Variants in ATP6V1C2 observed in about 807,000 individuals in gnomAD.
ATP6V1C2 encodes V-type proton ATPase subunit C 2.
A neutral mutation model predicts 56.8 loss-of-function variants in ATP6V1C2; 45 were observed. That is an observed-to-expected ratio of 0.79 (90% CI 0.62 to 1.02). The LOEUF (loss-of-function observed/expected upper bound fraction) is 1.02, where lower values mean the gene tolerates loss of function less well. ATP6V1C2 is among the 50% of genes least tolerant of loss of function. The probability of loss-of-function intolerance (pLI) is 0.00; values close to 1 mark genes in which losing one functional copy is unlikely to be tolerated. For missense variants in ATP6V1C2, 463 were observed against 519.7 expected (o/e 0.89, Z 1.06); for synonymous variants, 220 against 201.3 (o/e 1.09, Z -0.79).
Position 10,783,565 on chromosome 2 carries a change from T to C in ATP6V1C2, c.*302T>C, listed in dbSNP as rs182197560. 1.9e-3 allele frequency: 557 copies of C among 291,000 alleles called. 4 individuals are homozygous for C. The highest frequency in any genetic ancestry group is 5.9e-3 in the Middle Eastern group (5 of 842). 18.0% of individuals were successfully genotyped at this position (291,000 alleles called of 1,614,324 possible). A position where few individuals can be genotyped will look rare whatever the true frequency, so the allele number is the denominator to read the frequency against. ...GTCTTAACGGCTATTTTGAGGTTCA[T>C]TAACAACATAGAAAGCCTTGAACTG... On this transcript the variant is annotated 3_prime_UTR_variant, in exon 14 of 14. Transcript: ENST00000272238.
chr2:10,781,725 G>A (rs1270770858), intron 12 of ATP6V1C2, among the ~76,000 whole-genome samples: 1 of 152,184 alleles, frequency 6.6e-6, no homozygotes, highest in Admixed American at 6.5e-5. Flanking sequence ...TACAGCACTT[G>A]CTATATTTTG....
intron 3 of ATP6V1C2, among the ~76,000 whole-genome samples, chr2:10,741,892 CTCCTTCCTTCCTTCCTTCCTTCCTTCCT>C (rs56236466): frequency 1.4e-5 from 2 of 144,078 alleles, no homozygotes; most frequent in Admixed American, 7.0e-5. Context: ...CCCTCCTTCC[CTCCTTCCTTCCTTCCTTCCTTCCTTCCT>C]TCCTTCCTTC....
chr2:10,735,102 T>C (rs1051482652), intron 3 of ATP6V1C2, among the ~76,000 whole-genome samples: 2 of 152,146 alleles, frequency 1.3e-5, no homozygotes, highest in Non-Finnish European at 2.9e-5. Flanking sequence ...GAAAAAAATA[T>C]ATATTTTGAC....
At chr2:10,746,515 C>T (rs943971180) in intron 3 of ATP6V1C2, among the ~76,000 whole-genome samples, 7 of 151,812 alleles carry the variant, frequency 4.6e-5, no homozygotes, top group Non-Finnish European at 8.8e-5. Flanking sequence ...CAGGTTCAAG[C>T]AATTCTCGTG....
chr2:10,726,534 T>C lies in ATP6V1C2; in HGVS notation c.162T>C (p.Ser54=). 1.2e-6 allele frequency: 2 copies of C among 1,614,062 alleles called. No homozygotes were observed. Among genetic ancestry groups the C allele is most frequent in the Non-Finnish European group, 1.7e-6 (2 of 1,179,922 alleles). The stretch of plus-strand genomic sequence containing the variant: ...CCTTGGATTCCCTGGTTGGCCTCTC[T>C]GATGAGTTGGGGAAACTCGACACCT... ...VGTLDSLVGL[S]DELGKLDTFA... Residue 54 remains serine, a synonymous_variant, in exon 3 of 14, where the codon TCT becomes TCC. Coordinates refer to ENST00000272238, the MANE Select transcript of ATP6V1C2 (RefSeq NM_001039362.2).
intron 3 of ATP6V1C2, among the ~76,000 whole-genome samples, chr2:10,729,022 C>T (rs1023288894): frequency 1.3e-5 from 2 of 149,732 alleles, no homozygotes; most frequent in African/African-American, 2.5e-5. Context: ...CCCAGCTACT[C>T]GGGAGGCTGA....
rs533985435 is a variant in ATP6V1C2, at chr2:10,726,777, C to T, written c.197+208C>T. Reference sequence around the variant, plus strand: ...CTGGTGTTTTGTCTGCTGGAGGCAGCACTTGTTAAGGGGTTGCCTTCAACC... The same window carrying T: ...CTGGTGTTTTGTCTGCTGGAGGCAGTACTTGTTAAGGGGTTGCCTTCAACC... On this transcript the variant is annotated intron_variant, in intron 3 of 13. Transcript: ENST00000272238. Among the ~76,000 whole-genome samples, 400 of 152,242 alleles carry T rather than the reference C, an allele frequency of 2.6e-3. 2 individuals are homozygous for T. Among genetic ancestry groups the T allele is most frequent in the Admixed American group, 4.8e-3 (73 of 15,286 alleles).
chr2:10,741,455 C>T (rs1662544852), intron 3 of ATP6V1C2, among the ~76,000 whole-genome samples: 1 of 152,118 alleles, frequency 6.6e-6, no homozygotes, highest in South Asian at 2.1e-4. Flanking sequence ...CCCCTGGAAG[C>T]TTCTGGGCCT....
chr2:10,773,696 C>T (rs1161947644), intron 8 of ATP6V1C2, among the ~76,000 whole-genome samples: 1 of 152,196 alleles, frequency 6.6e-6, no homozygotes, highest in Non-Finnish European at 1.5e-5. Context: ...TACTCATTTT[C>T]CTCTGTACCT....
At chr2:10,759,623 C>A (rs140828618) in intron 4 of ATP6V1C2, among the ~76,000 whole-genome samples, 2 of 152,184 alleles carry the variant, frequency 1.3e-5, no homozygotes, top group South Asian at 2.1e-4. Flanking sequence ...GCACCCCAGG[C>A]AGGGGAGGCA....
At chr2:10,761,714 G>C (rs1021907865) in intron 4 of ATP6V1C2, among the ~76,000 whole-genome samples, 1 of 152,202 alleles carries the variant, frequency 6.6e-6, no homozygotes, top group Non-Finnish European at 1.5e-5. Context: ...GTGCCTGTAT[G>C]AGGACAGGGA....
intron 3 of ATP6V1C2, among the ~76,000 whole-genome samples, chr2:10,730,845 A>T (rs1661911197): frequency 6.6e-6 from 1 of 150,706 alleles, no homozygotes; most frequent in African/African-American, 2.4e-5. Flanking sequence ...TAGAGACGGG[A>T]TTTCTCCACA....
At chr2:10,721,909 C>G (rs1437392367) in intron 1 of ATP6V1C2, among the ~76,000 whole-genome samples, 178 bp downstream of exon 1, 2 of 152,334 alleles carry the variant, frequency 1.3e-5, no homozygotes, top group African/African-American at 4.8e-5. Context: ...CGGGCCAGTT[C>G]GTCCCCAGGC....
chr2:10,745,154 C>T (rs773025678), intron 3 of ATP6V1C2, among the ~76,000 whole-genome samples: 2 of 148,928 alleles, frequency 1.3e-5, no homozygotes, highest in Non-Finnish European at 3.0e-5. Context: ...AGCAATTCTC[C>T]TGCCTCAGCC....
intron 3 of ATP6V1C2, among the ~76,000 whole-genome samples, chr2:10,747,428 C>T (rs995120688): frequency 6.6e-6 from 1 of 152,154 alleles, no homozygotes; most frequent in Admixed American, 6.5e-5. Context: ...TATTCCTTTA[C>T]CTCTAAAAAC....
intron 2 of ATP6V1C2, among the ~76,000 whole-genome samples, chr2:10,725,528 T>A (rs1340667581): frequency 3.1e-5 from 4 of 127,356 alleles, no homozygotes; most frequent in Admixed American, 9.4e-5. Context: ...GCAGTCTCGC[T>A]CTGCTGACCA....
intron 3 of ATP6V1C2, 132 bp from the exon 4 acceptor site, chr2:10,753,849 A>G: frequency 1.3e-6 from 1 of 769,954 alleles, no homozygotes; most frequent in Non-Finnish European, 2.2e-6. Flanking sequence ...TGGCATTTTA[A>G]CCCTCTTCAT....
chr2:10,784,975 T>G lies in ATP6V1C2; in HGVS notation c.*1712T>G. 6.3e-7 allele frequency: 1 copy of G among 1,592,478 alleles called. No individual in the cohort carries two copies. Among genetic ancestry groups the G allele is most frequent in the South Asian group, 1.1e-5 (1 of 87,668 alleles). On this transcript the variant is annotated 3_prime_UTR_variant, in exon 14 of 14. Coordinates refer to ENST00000272238, the MANE Select transcript of ATP6V1C2 (RefSeq NM_001039362.2). ...TCCCAAGGCTCTCTCTCAACGATGG[T>G]AGGGAAAGCCCCGCCTCCTACAGGT...
At position 10,777,692 on chromosome 2, in the gene ATP6V1C2, C is replaced by CA. The variant is rs1558426918; in HGVS notation, c.934dup (p.Arg312LysfsTer6). ...ATAGGCCTGCTGCGGGGCAGACCGA[C>CA]AGAGAGAGAGAGAGTGAGGGCGAGG... On this transcript the variant is annotated frameshift_variant, in exon 11 of 14. Coordinates refer to ENST00000272238, the MANE Select transcript of ATP6V1C2 (RefSeq NM_001039362.2). LOFTEE classifies it high-confidence loss of function. 6.6e-7 allele frequency: 1 copy of CA among 1,518,810 alleles called. No homozygotes were observed. Among genetic ancestry groups the CA allele is most frequent in the Admixed American group, 1.8e-5 (1 of 56,606 alleles). 94.1% of individuals were successfully genotyped at this position (1,518,810 alleles called of 1,614,324 possible).
Sources: gnomAD v4.1 joint callset for allele counts (sites outside exome capture counted in the v4.1 genomes callset) on GRCh38, gnomAD v4.1.1 for gene constraint, MANE v1.5 for transcripts, NCBI Gene and HGNC (gene_info 2026-07-23, HGNC 2026-07-21) for gene names.